CHAT: variants seen among roughly 807,000 people sequenced by gnomAD.
CHAT encodes choline O-acetyltransferase.
A neutral mutation model predicts 76.9 loss-of-function variants in CHAT; 61 were observed. That is an observed-to-expected ratio of 0.79 (90% CI 0.65 to 0.98). CHAT has a LOEUF of 0.98. Ranked by LOEUF, CHAT falls within the 50% of genes least tolerant of loss-of-function variation. CHAT has a pLI of 0.00. For missense variants in CHAT, 946 were observed against 986.9 expected (o/e 0.96, Z 0.56); for synonymous variants, 407 against 397.4 (o/e 1.02, Z -0.29).
intron 13 of CHAT, among the ~76,000 whole-genome samples, chr10:49,656,283 GTTTTTT>G (rs566849400): frequency 8.2e-6 from 1 of 121,298 alleles, no homozygotes; most frequent in Non-Finnish European, 1.7e-5. Context: ...TATTCAGTGG[GTTTTTT>G]TTTTTTTTTT....
At chr10:49,615,735 C>A in intron 1 of CHAT, 1 of 474,610 alleles carries the variant, frequency 2.1e-6, no homozygotes, top group Non-Finnish European at 3.8e-6. Flanking sequence ...TGGCTCACTT[C>A]TACTGTACCT....
chr10:49,611,845 G>T, upstream of CHAT: 1 of 1,604,780 alleles, frequency 6.2e-7, no homozygotes, highest in Non-Finnish European at 8.5e-7. Context: ...TGTGATCGGC[G>T]CCAGCTCGTG....
In CHAT at chr10:49,614,225, G is replaced by C. The variant is rs1217555879; in HGVS notation, c.36G>C (p.Gly12=). 3.3e-6 allele frequency: 5 copies of C among 1,531,612 alleles called. No homozygotes were observed. Among genetic ancestry groups the C allele is most frequent in the Non-Finnish European group, 1.8e-6 (2 of 1,133,222 alleles). 94.9% of individuals were successfully genotyped at this position (1,531,612 alleles called of 1,614,324 possible). A position where few individuals can be genotyped will look rare whatever the true frequency, so the allele number is the denominator to read the frequency against. Residue 12 remains glycine (G), a synonymous_variant, in exon 1 of 15, where the codon GGG becomes GGC. Transcript: ENST00000337653. Reference sequence around the variant, plus strand: ...GGACAGCGAAGAAGAGGGGGCTTGGGGGAGGGGGGAAATGGAAGAGAGAGG... The same window carrying C: ...GGACAGCGAAGAAGAGGGGGCTTGGCGGAGGGGGGAAATGGAAGAGAGAGG... The part of the protein sequence containing the change: ...GLRTAKKRGL[G]GGGKWKREEG...
chr10:49,639,134 C>T (rs1839392257), intron 7 of CHAT, among the ~76,000 whole-genome samples: 1 of 152,204 alleles, frequency 6.6e-6, no homozygotes, highest in African/African-American at 2.4e-5. Context: ...ACTCAGGAGG[C>T]TGAGGCAGAG....
intron 13 of CHAT, among the ~76,000 whole-genome samples, chr10:49,658,991 G>A (rs1840113252): frequency 6.6e-6 from 1 of 152,094 alleles, no homozygotes; most frequent in Non-Finnish European, 1.5e-5. Context: ...CTTAGTCCAG[G>A]AGAATAATAT....
intron 8 of CHAT, among the ~76,000 whole-genome samples, chr10:49,647,729 A>G (rs987383398): frequency 6.6e-6 from 1 of 151,770 alleles, no homozygotes; most frequent in East Asian, 1.9e-4. Flanking sequence ...GCAGTTTTCA[A>G]AAGACACCGC....
chr10:49,627,801 C>T lies in CHAT; in HGVS notation c.1111+16C>T, dbSNP rs1376444547. 49 of 1,611,242 alleles carry T rather than the reference C, an allele frequency of 3.0e-5. No homozygotes were observed. The highest frequency in any genetic ancestry group is 3.9e-5 in the Non-Finnish European group (46 of 1,179,580). ...CTCGTGAAAGGTCAGCCGCAGTGCCCAGCACATCTCCATGCCCATCTCATG... is the reference window on the plus strand; with the variant it reads ...CTCGTGAAAGGTCAGCCGCAGTGCCTAGCACATCTCCATGCCCATCTCATG... On this transcript the variant is annotated intron_variant, in intron 7 of 14. Transcript: ENST00000337653.
At chr10:49,632,244 C>T (rs1348702028) in intron 7 of CHAT, among the ~76,000 whole-genome samples, 1 of 152,124 alleles carries the variant, frequency 6.6e-6, no homozygotes, top group African/African-American at 2.4e-5. Context: ...CTGAGACAGG[C>T]ATGAAGCGCT....
At chr10:49,617,523 G>A (rs1182796756) in intron 2 of CHAT, among the ~76,000 whole-genome samples, 1 of 152,192 alleles carries the variant, frequency 6.6e-6, no homozygotes, top group East Asian at 1.9e-4. Flanking sequence ...GATCCCTGGG[G>A]GGTTGAGATG....
chr10:49,648,633 TG>T (rs1839762272), intron 9 of CHAT, 26 bp downstream of exon 9: 1 of 1,530,580 alleles, frequency 6.5e-7, no homozygotes, highest in Admixed American at 1.7e-5. Flanking sequence ...AGGGCTGCCA[TG>T]CTGGGCCCAA....
intron 13 of CHAT, among the ~76,000 whole-genome samples, chr10:49,661,660 A>G (rs546015574): frequency 6.6e-6 from 1 of 152,226 alleles, no homozygotes; most frequent in South Asian, 2.1e-4. Flanking sequence ...AAACCCCAAG[A>G]GTTACTCACA....
Position 49,647,791 on chromosome 10 carries a change from CCTTCCTTCCTTCCTTCCTTT to C in CHAT, c.1282-715_1282-696del, listed in dbSNP as rs1379332627. ...TCCTTCCTTCCTTCCTTCCTTCCTT[CCTTCCTTCCTTCCTTCCTTT>C]TAGTGACAGGCACAGATAAGTACTA... On this transcript the variant is annotated intron_variant, in intron 8 of 14. Transcript: ENST00000337653. The C allele has an allele frequency of 1.9e-3, 81 of 42,390 alleles. 1 individual carries two copies. The highest frequency in any genetic ancestry group is 3.7e-3 in the African/African-American group (78 of 20,982). The allele number at this position is 42,390 out of a possible 1,614,324, so 2.6% of individuals were successfully genotyped here. A position where few individuals can be genotyped will look rare whatever the true frequency, so the allele number is the denominator to read the frequency against.
rs946707891 is a variant in CHAT, at chr10:49,667,291, T to C, written c.*2245T>C. Among the ~76,000 whole-genome samples, 1 of 152,172 alleles carries C rather than the reference T, an allele frequency of 6.6e-6. No homozygotes were observed. Among genetic ancestry groups the C allele is most frequent in the Non-Finnish European group, 1.5e-5 (1 of 68,026 alleles). ...AGGGGCAGGGAGGCTTCATGGGGCC[T>C]ACCTTTGGGATGACATTACCCCAGT... On this transcript the variant is annotated 3_prime_UTR_variant, in exon 15 of 15. Transcript: ENST00000337653.
chr10:49,634,462 T>C (rs74131106), intron 7 of CHAT, among the ~76,000 whole-genome samples: 5,033 of 152,322 alleles, frequency 0.033, 262 homozygotes, highest in African/African-American at 0.11. Flanking sequence ...ACTGTCCTTG[T>C]GGTCAGAGGC....
chr10:49,611,746 G>A (rs970835776), upstream of CHAT: 4 of 1,604,110 alleles, frequency 2.5e-6, no homozygotes, highest in Non-Finnish European at 3.4e-6. Context: ...GCCGGCCTTC[G>A]TGCCTCATGT....
Position 49,655,142 on chromosome 10 carries a change from G to T in CHAT, c.1682G>T (p.Arg561Leu). 6.2e-7 allele frequency: 1 copy of T among 1,614,070 alleles called. No homozygotes were observed. The highest frequency in any genetic ancestry group is 8.5e-7 in the Non-Finnish European group (1 of 1,180,006). Residue 561 changes from arginine to leucine, a missense_variant, in exon 12 of 15, where the codon CGA becomes CTA. Physicochemically the swap from Arg to Leu is moderately radical, Grantham distance 102. This residue lies in a region of CHAT where 349 missense variants were observed against 393.9 expected (regional missense o/e 0.89). Transcript: ENST00000337653. ...ACCTACGAGAGCGCGTCCATCCGCC[G>T]ATTCCAGGAGGGACGCGTGGACAAC... Reference protein sequence around the residue: ...VPTYESASIRRFQEGRVDNIR... With the variant: ...VPTYESASIRLFQEGRVDNIR...
In CHAT at chr10:49,665,814, G is replaced by A. The variant is rs1325261405; in HGVS notation, c.*768G>A. Among the ~76,000 whole-genome samples, 4 of 152,144 alleles carry A rather than the reference G, an allele frequency of 2.6e-5. No individual in the cohort carries two copies. The highest frequency in any genetic ancestry group is 4.8e-5 in the African/African-American group (2 of 41,436). On this transcript the variant is annotated 3_prime_UTR_variant, in exon 15 of 15. Coordinates refer to ENST00000337653, the MANE Select transcript of CHAT (RefSeq NM_020549.5). ...CGGCATCAGGGCCAGTCCAAGATGA[G>A]TAAACTGCACAGCCCCAAGCAGATG...
At chr10:49,642,374 G>A (rs1839511420) in intron 7 of CHAT, among the ~76,000 whole-genome samples, 2 of 152,186 alleles carry the variant, frequency 1.3e-5, no homozygotes, top group South Asian at 2.1e-4. Context: ...CTGGCTCCCC[G>A]CTCTGTTGTC....
intron 10 of CHAT, among the ~76,000 whole-genome samples, chr10:49,651,467 G>A (rs977299205): frequency 3.3e-5 from 5 of 152,232 alleles, no homozygotes; most frequent in African/African-American, 1.2e-4. Context: ...TGGAGGAGGA[G>A]ATTGTTCAAT....
Sources: gnomAD v4.1 joint callset for allele counts (sites outside exome capture counted in the v4.1 genomes callset) on GRCh38, gnomAD v4.1.1 for gene constraint, gnomAD v4.1.1 regional missense constraint, MANE v1.5 for transcripts, NCBI Gene and HGNC (gene_info 2026-07-23, HGNC 2026-07-21) for gene names.